GATAD2A: variants seen among roughly 807,000 people sequenced by gnomAD.
GATAD2A encodes transcriptional repressor p66-alpha.
In GATAD2A, 12 loss-of-function variants were observed where a neutral mutation model predicts 68.5. That is an observed-to-expected ratio of 0.18 (90% CI 0.11 to 0.28). GATAD2A has a LOEUF of 0.28. Ranked by LOEUF, GATAD2A falls within the 10% of genes least tolerant of loss-of-function variation. GATAD2A has a pLI of 1.00. For synonymous variants in GATAD2A, 410 were observed against 375.3 expected, an observed-to-expected ratio of 1.09 and a Z score of -1.07; for missense variants, 755 against 868.5, an observed-to-expected ratio of 0.87 and a Z score of 1.64.
chr19:19,426,764 T>G (rs1409822532), intron 1 of GATAD2A, among the ~76,000 whole-genome samples: 1 of 152,228 alleles, frequency 6.6e-6, no homozygotes, highest in Non-Finnish European at 1.5e-5. Flanking sequence ...TCCACCCGCC[T>G]CAACCTCCCA....
intron 2 of GATAD2A, among the ~76,000 whole-genome samples, chr19:19,484,728 T>C (rs1380333663): frequency 6.6e-6 from 1 of 152,010 alleles, no homozygotes; most frequent in African/African-American, 2.4e-5. Flanking sequence ...AGAGACGAGG[T>C]TTCACTGTGT....
chr19:19,470,013 T>G (rs1042714687), intron 2 of GATAD2A, among the ~76,000 whole-genome samples: 2 of 151,666 alleles, frequency 1.3e-5, no homozygotes, highest in African/African-American at 4.8e-5. Context: ...CCCCTTAGAT[T>G]CAAGGAATAA....
chr19:19,494,367 G>C lies in GATAD2A; in HGVS notation c.608G>C (p.Gly203Ala). 1 of 1,608,366 alleles carries C rather than the reference G, an allele frequency of 6.2e-7. No homozygotes were observed. Among genetic ancestry groups the C allele is most frequent in the Non-Finnish European group, 8.5e-7 (1 of 1,174,936 alleles). Residue 203 changes from glycine (G) to alanine (A), a missense_variant, in exon 5 of 12, where the codon GGC (glycine) becomes GCC (alanine). Gly to Ala is a moderately conservative substitution (Grantham distance 60). Coordinates refer to ENST00000683918, the MANE Select transcript of GATAD2A (RefSeq NM_001384528.1). The part of the protein sequence containing the change: ...LVRGTQNIPA[G>A]KPSLQTSSAR... ...CGGGGCACTCAGAACATTCCTGCTG[G>C]CAAGCCATCACTCCAGGTCAGTGTC... is the stretch of plus-strand genomic sequence containing the variant.
At chr19:19,478,692 C>T (rs2058842682) in intron 2 of GATAD2A, among the ~76,000 whole-genome samples, 1 of 151,798 alleles carries the variant, frequency 6.6e-6, no homozygotes, top group South Asian at 2.1e-4. Flanking sequence ...CACTTGTAGT[C>T]CCAGCTATTC....
intron 1 of GATAD2A, among the ~76,000 whole-genome samples, chr19:19,395,181 G>A (rs111406374): frequency 0.023 from 3,429 of 152,296 alleles, 77 homozygotes; most frequent in Admixed American, 0.056. Context: ...AAGGCCGGGC[G>A]CGGTGGCTCA....
rs539046857 is a variant in GATAD2A, at chr19:19,460,958, C to G, written c.-6-4382C>G. Among the ~76,000 whole-genome samples the G allele has an allele frequency of 5.3e-5, 8 of 152,314 alleles. No homozygotes were observed. In the South Asian group the frequency reaches 1.2e-3, roughly 24 times the overall value. ...CCCAGCCCCCGTCCCTCTGTGTGCTCTGACTGCCCCGTGCTCTGCCTCGTG... is the reference window on the plus strand; with the variant it reads ...CCCAGCCCCCGTCCCTCTGTGTGCTGTGACTGCCCCGTGCTCTGCCTCGTG... On this transcript the variant is annotated intron_variant, in intron 1 of 11. Transcript: ENST00000683918.
At chr19:19,460,882 C>T (rs2147955633) in intron 1 of GATAD2A, among the ~76,000 whole-genome samples, 1 of 152,358 alleles carries the variant, frequency 6.6e-6, no homozygotes, top group Admixed American at 6.5e-5. Flanking sequence ...GCACATGTCT[C>T]CGCTCAGGCC....
chr19:19,475,167 G>A (rs918976358), intron 2 of GATAD2A, among the ~76,000 whole-genome samples: 4 of 152,324 alleles, frequency 2.6e-5, no homozygotes, highest in African/African-American at 7.2e-5. Flanking sequence ...CCGGCCCGCC[G>A]GCCGGCTGTC....
chr19:19,390,848 A>G (rs1380978328), intron 1 of GATAD2A, among the ~76,000 whole-genome samples: 2 of 152,112 alleles, frequency 1.3e-5, no homozygotes, highest in Admixed American at 6.6e-5. Context: ...ATTGTAATAG[A>G]TCAGATTTGG....
chr19:19,473,400 AAC>A (rs747374802), intron 2 of GATAD2A, among the ~76,000 whole-genome samples: 1 of 152,144 alleles, frequency 6.6e-6, no homozygotes, highest in Non-Finnish European at 1.5e-5. Flanking sequence ...CAGACTGTAA[AAC>A]ACACTGGAAA....
At chr19:19,405,632 C>T (rs1248570195), upstream of GATAD2A, among the ~76,000 whole-genome samples, 1 of 151,824 alleles carries the variant, frequency 6.6e-6, no homozygotes, top group African/African-American at 2.4e-5. Context: ...GAACCCCGCC[C>T]ACGAGCTCCT....
intron 4 of GATAD2A, among the ~76,000 whole-genome samples, chr19:19,493,325 G>A (rs2059928005): frequency 6.6e-6 from 1 of 152,234 alleles, no homozygotes; most frequent in Non-Finnish European, 1.5e-5. Context: ...GAAGCACTCT[G>A]TGCAGAAAGG....
At chr19:19,447,322 C>T (rs968145498) in intron 1 of GATAD2A, among the ~76,000 whole-genome samples, 3 of 152,070 alleles carry the variant, frequency 2.0e-5, no homozygotes, top group Non-Finnish European at 4.4e-5. Context: ...ACTTGGGGGA[C>T]GGGCACAGGG....
chr19:19,426,793 C>T (rs1457579087), intron 1 of GATAD2A, among the ~76,000 whole-genome samples: 1 of 152,190 alleles, frequency 6.6e-6, no homozygotes, highest in Non-Finnish European at 1.5e-5. Context: ...GGATTACAGG[C>T]GTGAGCCACT....
intron 2 of GATAD2A, among the ~76,000 whole-genome samples, chr19:19,466,786 C>G (rs2057899589): frequency 6.6e-6 from 1 of 152,220 alleles, no homozygotes; most frequent in Non-Finnish European, 1.5e-5. Flanking sequence ...CATTCTAAAA[C>G]CAAGGTCCTC....
At chr19:19,413,345 C>T (rs914478536) in intron 1 of GATAD2A, among the ~76,000 whole-genome samples, 2 of 152,168 alleles carry the variant, frequency 1.3e-5, no homozygotes, top group Non-Finnish European at 2.9e-5. Flanking sequence ...TTGAAGGCAT[C>T]GATTGAATTG....
At position 19,432,643 on chromosome 19, in the gene GATAD2A, A is replaced by G. The variant is rs80071829; in HGVS notation, c.-7+26624A>G. Reference sequence around the variant, plus strand: ...AGGTCGTTTTCAATTCGGGATGCAGATTGAATAGTTAATTGATAGATGAAA... The same window carrying G: ...AGGTCGTTTTCAATTCGGGATGCAGGTTGAATAGTTAATTGATAGATGAAA... On this transcript the variant is annotated intron_variant, in intron 1 of 11. Transcript: ENST00000683918. Among the ~76,000 whole-genome samples, 913 of 152,318 alleles carry G rather than the reference A, an allele frequency of 6.0e-3. 8 individuals are homozygous for G. The highest frequency in any genetic ancestry group is 0.021 in the African/African-American group (875 of 41,554).
At chr19:19,503,023 C>T (rs973878370) in intron 11 of GATAD2A, among the ~76,000 whole-genome samples, 5 of 152,194 alleles carry the variant, frequency 3.3e-5, no homozygotes, top group African/African-American at 4.8e-5. Context: ...GAGGCCTTGC[C>T]GGAGACGGTG....
intron 1 of GATAD2A, among the ~76,000 whole-genome samples, chr19:19,399,544 C>G (rs976200743): frequency 6.6e-6 from 1 of 152,186 alleles, no homozygotes; most frequent in African/African-American, 2.4e-5. Context: ...TTTAACCTCT[C>G]AAATTGTCTC....
Sources: allele counts gnomAD v4.1 joint callset (sites outside exome capture counted in the v4.1 genomes callset), GRCh38; gene constraint gnomAD v4.1.1; transcripts MANE v1.5; gene names NCBI Gene and HGNC (gene_info 2026-07-23, HGNC 2026-07-21).